NAV3: variants seen among roughly 807,000 people sequenced by gnomAD.
The protein encoded by NAV3 is neuron navigator 3, also known as pore membrane and/or filament interacting like protein 1.
NAV3 carries 87 observed loss-of-function variants against 244.7 expected under a neutral mutation model. That is an observed-to-expected ratio of 0.36 (90% confidence interval 0.30 to 0.42). NAV3 has a LOEUF of 0.42. NAV3 is among the 20% of genes least tolerant of loss of function. The pLI is 1.00. For missense variants in NAV3, 2,663 were observed against 2,893.3 expected (o/e 0.92, Z 1.83); for synonymous variants, 1,126 against 1,042.2 (o/e 1.08, Z -1.55).
chr12:78,198,091 T>C (rs1277035386), intron 35 of NAV3, among the ~76,000 whole-genome samples: 1 of 151,956 alleles, frequency 6.6e-6, no homozygotes. Context: ...AAAGGACATA[T>C]AAGAATATCA....
intron 8 of NAV3, among the ~76,000 whole-genome samples, chr12:78,009,712 T>C (rs940396859): frequency 2.0e-5 from 3 of 152,278 alleles, no homozygotes; most frequent in South Asian, 2.1e-4. Flanking sequence ...TAGAACAGTA[T>C]CTGCCACATA....
chr12:77,770,177 A>G (rs537217333), intron 2 of NAV3, among the ~76,000 whole-genome samples: 1 of 152,128 alleles, frequency 6.6e-6, no homozygotes, highest in African/African-American at 2.4e-5. Flanking sequence ...TTAAAATCCT[A>G]GGGGGAGTTG....
intron 1 of NAV3, among the ~76,000 whole-genome samples, chr12:77,937,936 AT>A (rs754724265): frequency 1.3e-5 from 2 of 152,138 alleles, no homozygotes; most frequent in South Asian, 4.1e-4. Flanking sequence ...CAATCCTATA[AT>A]GTAAGTATTA....
intron 2 of NAV3, among the ~76,000 whole-genome samples, chr12:77,676,851 T>C (rs1280549030): frequency 6.6e-6 from 1 of 152,018 alleles, no homozygotes; most frequent in East Asian, 1.9e-4. Context: ...ACCCTATTTA[T>C]GAGGGAAAGT....
At chr12:77,977,726 A>G (rs1387860291) in intron 5 of NAV3, among the ~76,000 whole-genome samples, 3 of 151,374 alleles carry the variant, frequency 2.0e-5, no homozygotes, top group Non-Finnish European at 2.9e-5. Flanking sequence ...ACACACACAC[A>G]CACACACACA....
chr12:78,198,608 A>G lies in NAV3; in HGVS notation c.6450A>G (p.Pro2150=), dbSNP rs1445467716. The G allele has an allele frequency of 6.3e-7, 1 of 1,575,234 alleles. No homozygotes were observed. Among genetic ancestry groups the G allele is most frequent in the South Asian group, 1.1e-5 (1 of 87,146 alleles). ...GFLNCKYNKC[P]YIIGTMNQGV... is the part of the protein sequence containing the mutation. ...TTTTCTATTTATTTTTTTCTAGTCC[A>G]TATATTATTGGAACAATGAATCAGG... The change falls in exon 36 of 40, where the codon CCA becomes CCG. Residue 2150 remains proline, a synonymous_variant. Transcript: ENST00000397909.
At chr12:77,799,511 G>T (rs192390386) in intron 2 of NAV3, among the ~76,000 whole-genome samples, 1 of 152,266 alleles carries the variant, frequency 6.6e-6, no homozygotes, top group African/African-American at 2.4e-5. Context: ...TATTAAGAAG[G>T]TTTATTCCTC....
intron 2 of NAV3, among the ~76,000 whole-genome samples, chr12:77,770,239 G>A (rs900226380): frequency 5.9e-5 from 9 of 152,270 alleles, no homozygotes; most frequent in Non-Finnish European, 1.3e-4. Flanking sequence ...ATTTGTAGGA[G>A]TGATGGGTGA....
chr12:77,895,309 TTGTGTG>T (rs71440496), intron 1 of NAV3, among the ~76,000 whole-genome samples: 14 of 148,568 alleles, frequency 9.4e-5, no homozygotes, highest in Admixed American at 4.0e-4. Flanking sequence ...TTTAGAATGA[TTGTGTG>T]TGTGTGTGTG....
chr12:77,843,176 G>C, intron 1 of NAV3, among the ~76,000 whole-genome samples: 2 of 151,946 alleles, frequency 1.3e-5, no homozygotes, highest in South Asian at 4.2e-4. Flanking sequence ...TCCTTTGGCT[G>C]GCTTTTTGAT....
chr12:77,739,090 A>C (rs1868280402), intron 2 of NAV3, among the ~76,000 whole-genome samples: 1 of 150,848 alleles, frequency 6.6e-6, no homozygotes, highest in Non-Finnish European at 1.5e-5. Context: ...TCTAGCCCTA[A>C]CTAGTTGTGT....
At chr12:78,017,743 T>C (rs974203552) in intron 8 of NAV3, among the ~76,000 whole-genome samples, 1 of 152,188 alleles carries the variant, frequency 6.6e-6, no homozygotes, top group Non-Finnish European at 1.5e-5. Flanking sequence ...TTATAAATTA[T>C]TTCATGAATC....
chr12:78,032,654 C>T (rs566272391), intron 9 of NAV3, among the ~76,000 whole-genome samples: 113 of 152,178 alleles, frequency 7.4e-4, no homozygotes, highest in South Asian at 1.7e-3. Flanking sequence ...GAAGAAGTAG[C>T]TTATTGCTTC....
chr12:77,579,437 C>A (rs1236496369), intron 2 of NAV3, among the ~76,000 whole-genome samples: 1 of 152,184 alleles, frequency 6.6e-6, no homozygotes, highest in African/African-American at 2.4e-5. Context: ...CTGGCAAGTC[C>A]AGTGCTGAGG....
intron 2 of NAV3, among the ~76,000 whole-genome samples, chr12:77,682,663 T>G (rs1482994205): frequency 1.3e-5 from 2 of 152,092 alleles, no homozygotes; most frequent in Non-Finnish European, 2.9e-5. Flanking sequence ...TGCCAGTACT[T>G]GTTATCATTT....
At chr12:77,820,525 A>G in intron 2 of NAV3, among the ~76,000 whole-genome samples, 1 of 152,156 alleles carries the variant, frequency 6.6e-6, no homozygotes, top group East Asian at 1.9e-4. Context: ...AACCGCCAAT[A>G]TTGTTGCATT....
chr12:77,797,524 GTTT>G (rs33912743), intron 2 of NAV3, among the ~76,000 whole-genome samples: 41,190 of 101,268 alleles, frequency 0.41, 7,623 homozygotes, highest in East Asian at 0.5. Flanking sequence ...TCTTTAAAAA[GTTT>G]TTTTTTTTTT....
At chr12:78,206,744 T>C (rs185876613) in intron 39 of NAV3, among the ~76,000 whole-genome samples, 1 of 152,248 alleles carries the variant, frequency 6.6e-6, no homozygotes, top group Admixed American at 6.5e-5. Flanking sequence ...CAGGGAGTTA[T>C]GAGGTCTTAC....
At chr12:77,856,448 T>C (rs909251984) in intron 1 of NAV3, among the ~76,000 whole-genome samples, 2 of 152,180 alleles carry the variant, frequency 1.3e-5, no homozygotes, top group Admixed American at 1.3e-4. Flanking sequence ...TTGTTTCCTA[T>C]GTTCTAAGGT....
Sources: gnomAD v4.1 joint callset for allele counts (sites outside exome capture counted in the v4.1 genomes callset) on GRCh38, gnomAD v4.1.1 for gene constraint, MANE v1.5 for transcripts, NCBI Gene and HGNC (gene_info 2026-07-23, HGNC 2026-07-21) for gene names.